TTC29: variants seen among roughly 807,000 people sequenced by gnomAD.
TTC29 encodes the protein tetratricopeptide repeat protein 29.
Under a neutral mutation model 58.1 loss-of-function variants are expected in TTC29, and 49 were observed. That is an observed-to-expected ratio of 0.84 (90% CI 0.67 to 1.07). The LOEUF (loss-of-function observed/expected upper bound fraction) is 1.07. TTC29 is among the 50% of genes least tolerant of loss of function. The pLI, the probability that TTC29 is intolerant of heterozygous loss-of-function variation, is 0.00. For synonymous variants in TTC29, 209 were observed against 196.8 expected (o/e 1.06, Z -0.52); for missense variants, 582 against 555.6 (o/e 1.05, Z -0.48).
intron 10 of TTC29, among the ~76,000 whole-genome samples, chr4:146,804,784 G>A (rs1750486227): frequency 6.6e-6 from 1 of 151,524 alleles, no homozygotes; most frequent in African/African-American, 2.5e-5. Context: ...CAGCACCTCG[G>A]GGAAGGGAGG....
chr4:146,723,564 G>T (rs1038935085), intron 11 of TTC29, among the ~76,000 whole-genome samples: 4 of 152,082 alleles, frequency 2.6e-5, no homozygotes, highest in African/African-American at 9.7e-5. Flanking sequence ...TAAAAAGTGG[G>T]CAAATGACAT....
intron 8 of TTC29, among the ~76,000 whole-genome samples, chr4:146,843,767 G>A (rs769183926): frequency 1.3e-4 from 19 of 151,960 alleles, no homozygotes; most frequent in African/African-American, 3.6e-4. Flanking sequence ...ATTTATCTTT[G>A]GCTTCAAAAT....
chr4:146,858,248 T>C (rs1281410837), intron 8 of TTC29, among the ~76,000 whole-genome samples: 1 of 152,180 alleles, frequency 6.6e-6, no homozygotes, highest in Non-Finnish European at 1.5e-5. Flanking sequence ...TAACCTAAGG[T>C]CACACAGCTA....
intron 11 of TTC29, among the ~76,000 whole-genome samples, chr4:146,726,022 A>G (rs1441293831): frequency 6.6e-6 from 1 of 152,128 alleles, no homozygotes; most frequent in Non-Finnish European, 1.5e-5. Flanking sequence ...ATTGATGTGT[A>G]CTACCAAACT....
intron 8 of TTC29, among the ~76,000 whole-genome samples, chr4:146,836,873 A>G (rs1728545625): frequency 6.6e-6 from 1 of 152,064 alleles, no homozygotes; most frequent in South Asian, 2.1e-4. Context: ...TGGAGAAAAG[A>G]GAATGCTTAT....
intron 8 of TTC29, among the ~76,000 whole-genome samples, chr4:146,861,627 G>A (rs1730237946): frequency 6.6e-6 from 1 of 152,094 alleles, no homozygotes; most frequent in Non-Finnish European, 1.5e-5. Context: ...TCATATGCTT[G>A]TCTGCACATT....
chr4:146,814,793 G>A (rs970135243), intron 10 of TTC29, among the ~76,000 whole-genome samples: 3 of 151,832 alleles, frequency 2.0e-5, no homozygotes, highest in Non-Finnish European at 4.4e-5. Flanking sequence ...GTTGCTAAGG[G>A]GAAGGCCCCA....
At chr4:146,943,441 AG>A (rs925087863) in intron 2 of TTC29, among the ~76,000 whole-genome samples, 2 of 152,062 alleles carry the variant, frequency 1.3e-5, no homozygotes, top group Non-Finnish European at 2.9e-5. Context: ...GAAAAAAAAA[AG>A]CATGTTGGAA....
At chr4:146,811,154 T>C (rs973210887) in intron 10 of TTC29, among the ~76,000 whole-genome samples, 2 of 152,188 alleles carry the variant, frequency 1.3e-5, no homozygotes, top group Non-Finnish European at 2.9e-5. Context: ...TGTTGTTTGT[T>C]AGTCAGTGTC....
intron 10 of TTC29, among the ~76,000 whole-genome samples, chr4:146,810,680 T>C (rs933056212): frequency 1.3e-5 from 2 of 148,960 alleles, no homozygotes; most frequent in African/African-American, 4.9e-5. Flanking sequence ...AACCTCTGTC[T>C]CCCAGGTTCA....
intron 2 of TTC29, among the ~76,000 whole-genome samples, chr4:146,941,592 A>G (rs1736397072): frequency 6.6e-6 from 1 of 152,026 alleles, no homozygotes; most frequent in African/African-American, 2.4e-5. Context: ...ATGCTCACCA[A>G]TGGCAAAGGG....
intron 8 of TTC29, among the ~76,000 whole-genome samples, chr4:146,855,823 T>C (rs946867391): frequency 1.3e-5 from 2 of 152,236 alleles, no homozygotes; most frequent in African/African-American, 4.8e-5. Context: ...GAATTATACA[T>C]AATTTGGCTA....
chr4:146,909,026 C>T lies in TTC29; in HGVS notation c.400G>A (p.Glu134Lys). The T allele has an allele frequency of 6.2e-7, 1 of 1,613,450 alleles. No homozygotes were observed. Among genetic ancestry groups the T allele is most frequent in the Non-Finnish European group, 8.5e-7 (1 of 1,179,574 alleles). The part of the protein sequence containing the change: ...LTRAEDAERK[E>K]SFEDVHNNLY... ...CTCTGCCCACAGTCCCACCACTTACCTTTCCTCTCAGCGTCCTCAGCCCTG... is the reference window on the plus strand; with the variant it reads ...CTCTGCCCACAGTCCCACCACTTACTTTTCCTCTCAGCGTCCTCAGCCCTG... Residue 134 changes from glutamate to lysine, a missense_variant and splice_region_variant, in exon 5 of 13, where the codon GAA becomes AAA. Coordinates refer to ENST00000325106, the MANE Select transcript of TTC29 (RefSeq NM_031956.4).
chr4:146,930,757 A>G (rs1363892326), intron 4 of TTC29, among the ~76,000 whole-genome samples: 1 of 152,218 alleles, frequency 6.6e-6, no homozygotes, highest in African/African-American at 2.4e-5. Context: ...CCATACATTG[A>G]GAGTGATGTG....
intron 11 of TTC29, among the ~76,000 whole-genome samples, chr4:146,713,284 G>A (rs186622245): frequency 3.2e-3 from 128 of 40,038 alleles, no homozygotes; most frequent in African/African-American, 9.5e-3. Flanking sequence ...TTCTTTATTC[G>A]TTTTCCTCCT....
At chr4:146,864,556 A>G (rs542227103) in intron 8 of TTC29, among the ~76,000 whole-genome samples, 1 of 152,352 alleles carries the variant, frequency 6.6e-6, no homozygotes, top group Admixed American at 6.5e-5. Context: ...TTAAAATAAT[A>G]GAAATATATT....
chr4:146,741,144 AT>A (rs1254409250), intron 11 of TTC29, among the ~76,000 whole-genome samples: 1 of 152,216 alleles, frequency 6.6e-6, no homozygotes, highest in Non-Finnish European at 1.5e-5. Flanking sequence ...TTGTTTTGAC[AT>A]TTTGAGAAGA....
chr4:146,788,687 A>G (rs771061204), intron 11 of TTC29, among the ~76,000 whole-genome samples: 22 of 152,036 alleles, frequency 1.4e-4, no homozygotes, highest in Non-Finnish European at 2.5e-4. Context: ...GTGGAGCATA[A>G]TATTTAGTGA....
chr4:146,842,413 G>C (rs1396091441), intron 8 of TTC29, among the ~76,000 whole-genome samples: 1 of 152,020 alleles, frequency 6.6e-6, no homozygotes, highest in Non-Finnish European at 1.5e-5. Context: ...AAAGGTGGCT[G>C]TTTTCCCTCC....
Sources: gnomAD v4.1 joint callset for allele counts (sites outside exome capture counted in the v4.1 genomes callset) on GRCh38, gnomAD v4.1.1 for gene constraint, MANE v1.5 for transcripts, NCBI Gene and HGNC (gene_info 2026-07-23, HGNC 2026-07-21) for gene names.